SH3YL1: variants seen among roughly 807,000 people sequenced by gnomAD.
The protein encoded by SH3YL1 is SH3 and SYLF domain containing 1.
Under a neutral mutation model 45.8 loss-of-function variants are expected in SH3YL1, and 41 were observed. That is an observed-to-expected ratio of 0.89 (90% CI 0.70 to 1.16). The LOEUF (loss-of-function observed/expected upper bound fraction) is 1.16, where lower values mean the gene tolerates loss of function less well. Among genes scored for constraint, SH3YL1 ranks in the 50% most tolerant of loss-of-function variants. The pLI is 0.00. For synonymous variants in SH3YL1, 152 were observed against 151.4 expected (o/e 1.00, Z -0.03); for missense variants, 389 against 409.6 (o/e 0.95, Z 0.43).
rs62114508 is a variant in SH3YL1 at position 250,541 on chromosome 2, C to T, written c.113-697G>A. ...GTATATGTATCCACTGAATATAGTGCCACACGATTCTGTGAATTTACGACA... is the reference window on the plus strand; with the variant it reads ...GTATATGTATCCACTGAATATAGTGTCACACGATTCTGTGAATTTACGACA... On this transcript the variant is annotated intron_variant, in intron 2 of 9. Coordinates refer to ENST00000356150, the MANE Select transcript of SH3YL1 (RefSeq NM_015677.4). Among the ~76,000 whole-genome samples the T allele has an allele frequency of 6.4e-3, 969 of 152,254 alleles. 4 individuals are homozygous for T. The highest frequency in any genetic ancestry group is 0.01 in the Non-Finnish European group (707 of 68,008).
intron 9 of SH3YL1, among the ~76,000 whole-genome samples, chr2:220,068 G>T (rs1208327951): frequency 1.3e-5 from 2 of 150,854 alleles, no homozygotes; most frequent in Non-Finnish European, 1.5e-5. Context: ...CAGCTACATG[G>T]AGTCTGATGC....
At chr2:250,665 G>T (rs1442969498) in intron 2 of SH3YL1, among the ~76,000 whole-genome samples, 2 of 152,132 alleles carry the variant, frequency 1.3e-5, no homozygotes, top group Non-Finnish European at 2.9e-5. Flanking sequence ...CCAAGGAAGT[G>T]AAGTCAGACA....
intron 1 of SH3YL1, among the ~76,000 whole-genome samples, chr2:257,423 T>G (rs1335685719): frequency 1.3e-5 from 2 of 152,208 alleles, no homozygotes; most frequent in African/African-American, 4.8e-5. Flanking sequence ...ACTTCAATAT[T>G]TGAGTCCTTG....
At chr2:228,715 G>C (rs548093413) in intron 8 of SH3YL1, among the ~76,000 whole-genome samples, 1 of 152,298 alleles carries the variant, frequency 6.6e-6, no homozygotes, top group Admixed American at 6.5e-5. Context: ...CAGAAGAACA[G>C]GAGACAGACG....
At chr2:237,951 C>T (rs1354227499) in intron 4 of SH3YL1, among the ~76,000 whole-genome samples, 2 of 152,200 alleles carry the variant, frequency 1.3e-5, no homozygotes, top group Non-Finnish European at 2.9e-5. Context: ...AAATGTCCCT[C>T]TTCTCTGCGA....
Position 233,205 on chromosome 2 carries a change from C to A in SH3YL1, c.429G>T (p.Leu143=). 6.3e-7 allele frequency: 1 copy of A among 1,582,258 alleles called. No homozygotes were observed. Among genetic ancestry groups the A allele is most frequent in the South Asian group, 1.2e-5 (1 of 86,328 alleles). The part of the protein sequence containing the change: ...LGRNLEGNVA[L]RSSAAVFTYC... ...ACGTGAAGACGGCAGCGGAGCTTCT[C>A]AGGGCCACGTTTCCTTCCAAGTTCC... The change falls in exon 6 of 10, where the codon CTG becomes CTT. Residue 143 remains leucine (L), a synonymous_variant. Transcript: ENST00000356150.
At chr2:238,856 G>A (rs1668418669) in intron 4 of SH3YL1, among the ~76,000 whole-genome samples, 1 of 152,020 alleles carries the variant, frequency 6.6e-6, no homozygotes, top group Non-Finnish European at 1.5e-5. Context: ...CCCTAATCCA[G>A]ATACACGTAT....
intron 1 of SH3YL1, 27 bp from the exon 2 acceptor site, chr2:253,142 T>C (rs1669147938): frequency 3.2e-6 from 4 of 1,242,308 alleles, no homozygotes; most frequent in Non-Finnish European, 3.4e-6. Flanking sequence ...GATATTTTAA[T>C]GAAAAATTCT....
upstream of SH3YL1, chr2:264,255 T>G (rs1012865004): frequency 6.9e-6 from 3 of 433,212 alleles, no homozygotes; most frequent in Non-Finnish European, 1.2e-5. Flanking sequence ...AAGCACGGTG[T>G]TGGGGGTGGG....
chr2:244,701 T>C (rs1265537045), intron 4 of SH3YL1: 4 of 152,168 alleles, frequency 2.6e-5, no homozygotes, highest in Admixed American at 6.5e-5. Flanking sequence ...TGTCCCATTT[T>C]ACAGAAAAGG....
intron 1 of SH3YL1, chr2:260,220 A>C (rs1387807552): frequency 1.3e-5 from 2 of 152,230 alleles, no homozygotes; most frequent in Admixed American, 6.5e-5. Flanking sequence ...CTAGATGCTC[A>C]ATATGTTTTA....
Position 218,700 on chromosome 2 carries a change from T to C in SH3YL1, c.*111A>G. 1 of 933,396 alleles carries C rather than the reference T, an allele frequency of 1.1e-6. No homozygotes were observed. Among genetic ancestry groups the C allele is most frequent in the Non-Finnish European group, 1.5e-6 (1 of 647,130 alleles). The allele number at this position is 933,396 out of a possible 1,614,324, so 57.8% of individuals were successfully genotyped here. ...ATCTTTTACATACGGAATGGAAATT[T>C]TGTAGAACAGAAGTTTTTTAAAATT... On this transcript the variant is annotated 3_prime_UTR_variant, in exon 10 of 10. Coordinates refer to ENST00000356150, the MANE Select transcript of SH3YL1 (RefSeq NM_015677.4).
chr2:260,978 G>A (rs1177294975), intron 1 of SH3YL1: 1 of 152,198 alleles, frequency 6.6e-6, no homozygotes, highest in African/African-American at 2.4e-5. Context: ...ACTCATCCTA[G>A]ACACAGCTTA....
chr2:222,885 GT>G (rs1433981564), intron 9 of SH3YL1: 3 of 152,232 alleles, frequency 2.0e-5, no homozygotes, highest in African/African-American at 7.2e-5. Context: ...CCATGTAACT[GT>G]GACTTTTCTC....
intron 4 of SH3YL1, chr2:240,228 C>G (rs1193609275): frequency 6.6e-6 from 1 of 152,354 alleles, no homozygotes; most frequent in Non-Finnish European, 1.5e-5. Flanking sequence ...AAAGCTCCAC[C>G]CTGACAGAGG....
intron 4 of SH3YL1, chr2:241,035 A>G (rs1430581655): frequency 1.3e-5 from 2 of 152,222 alleles, no homozygotes; most frequent in Non-Finnish European, 2.9e-5. Context: ...AAAAAAATTT[A>G]AAAAGGAAGC....
chr2:255,038 T>A (rs1041329597), intron 1 of SH3YL1, among the ~76,000 whole-genome samples: 1 of 152,206 alleles, frequency 6.6e-6, no homozygotes, highest in African/African-American at 2.4e-5. Context: ...CCCTAAAATT[T>A]ATAAAACCAA....
At chr2:262,561 A>T in intron 1 of SH3YL1, 1 of 1,302,656 alleles carries the variant, frequency 7.7e-7, no homozygotes, top group Non-Finnish European at 1.0e-6. Context: ...TCTCAGAGAA[A>T]ATTTTTTTAA....
intron 9 of SH3YL1, among the ~76,000 whole-genome samples, chr2:221,647 C>T (rs907446119): frequency 6.6e-6 from 1 of 152,192 alleles, no homozygotes; most frequent in Non-Finnish European, 1.5e-5. Flanking sequence ...TCTCACATTT[C>T]TCCTTTACTG....
Sources: allele counts gnomAD v4.1 joint callset (sites outside exome capture counted in the v4.1 genomes callset), GRCh38; gene constraint gnomAD v4.1.1; transcripts MANE v1.5; gene names NCBI Gene and HGNC (gene_info 2026-07-23, HGNC 2026-07-21).